The following TFEB variants were observed in gnomAD, a reference collection of about 807,000 sequenced individuals.
The protein encoded by TFEB is transcription factor EB, also known as T-cell transcription factor EB.
TFEB carries 12 observed loss-of-function variants against 48.0 expected under a neutral mutation model. That is an observed-to-expected ratio of 0.25 (90% CI 0.16 to 0.40). TFEB has a LOEUF of 0.40. Among genes scored for constraint, TFEB ranks in the 10% least tolerant of loss-of-function variants. TFEB has a pLI of 1.00. For synonymous variants in TFEB, 244 were observed against 261.4 expected (o/e 0.93, Z 0.64); for missense variants, 509 against 640.3 (o/e 0.79, Z 2.21).
rs1223251858 is a variant in TFEB, at chr6:41,735,337, C to T, written c.-23+13G>A. 5.1e-6 allele frequency: 5 copies of T among 985,078 alleles called. No homozygotes were observed. The East Asian group carries it at 5.7e-4, about 112-fold the overall frequency. The allele number at this position is 985,078 out of a possible 1,614,324, so 61.0% of individuals were successfully genotyped here. The stretch of plus-strand genomic sequence containing the variant: ...GGCCCTCCTCGTGCCTCTCGCTCCC[C>T]GGTCCCGCTCACCTCGCTCTGAAGG... On this transcript the variant is annotated intron_variant, in intron 1 of 8. Transcript: ENST00000373033.
intron 1 of TFEB, among the ~76,000 whole-genome samples, chr6:41,695,506 C>T (rs898778086): frequency 2.0e-5 from 3 of 152,086 alleles, no homozygotes; most frequent in African/African-American, 7.2e-5. Flanking sequence ...TAGTATTATC[C>T]CCATTTTTCC....
At chr6:41,732,581 C>G (rs905938353) in intron 1 of TFEB, 23 of 985,722 alleles carry the variant, frequency 2.3e-5, no homozygotes, top group Non-Finnish European at 3.6e-6. Context: ...ACACTTTAAC[C>G]ACACACACAA....
At chr6:41,712,633 CA>C (rs916009976) in intron 1 of TFEB, among the ~76,000 whole-genome samples, 5 of 152,332 alleles carry the variant, frequency 3.3e-5, no homozygotes, top group African/African-American at 1.2e-4. Context: ...ACCAGGGGCC[CA>C]AGGGCTCAAG....
chr6:41,689,482 G>A (rs1357286080), intron 4 of TFEB, among the ~76,000 whole-genome samples: 2 of 152,022 alleles, frequency 1.3e-5, no homozygotes, highest in Admixed American at 6.6e-5. Context: ...GGCCCACTCC[G>A]TGTCCCCAGC....
Position 41,723,391 on chromosome 6 carries a change from G to T in TFEB, c.-23+11959C>A. 1 of 990,670 alleles carries T rather than the reference G, an allele frequency of 1.0e-6. No individual in the cohort carries two copies. The highest frequency in any genetic ancestry group is 1.4e-6 in the Non-Finnish European group (1 of 717,740). 61.4% of individuals were successfully genotyped at this position (990,670 alleles called of 1,614,324 possible). ...CAGATGCACACAGGCTAACACACAT[G>T]GACACACATTCACACACATGCTCAC... On this transcript the variant is annotated intron_variant, in intron 1 of 8. Transcript: ENST00000373033. The surrounding 1 kb of genome is among the most constrained non-coding windows in gnomAD (Gnocchi z 6.0).
At chr6:41,694,860 C>G (rs187373074) in intron 1 of TFEB, among the ~76,000 whole-genome samples, 1 of 152,220 alleles carries the variant, frequency 6.6e-6, no homozygotes, top group African/African-American at 2.4e-5. Flanking sequence ...GCCTTCTCCC[C>G]TGCCCCTCCC....
intron 1 of TFEB, among the ~76,000 whole-genome samples, chr6:41,708,272 T>C (rs1240101387): frequency 1.3e-5 from 2 of 152,206 alleles, no homozygotes; most frequent in Non-Finnish European, 2.9e-5. Context: ...GGAAGCCTCT[T>C]GGACATAGAA....
chr6:41,697,157 C>A (rs899645159), intron 1 of TFEB, among the ~76,000 whole-genome samples: 2 of 151,322 alleles, frequency 1.3e-5, no homozygotes, highest in Non-Finnish European at 2.9e-5. Context: ...CCTGTAATCC[C>A]AGCACTTTGG....
intron 1 of TFEB, among the ~76,000 whole-genome samples, chr6:41,721,867 A>G (rs1463850404): frequency 3.3e-5 from 5 of 152,166 alleles, no homozygotes; most frequent in Non-Finnish European, 2.9e-5. Context: ...CTGCACCCTC[A>G]TGCCCACAGA....
chr6:41,705,886 C>T (rs1210156825), intron 1 of TFEB: 2 of 152,272 alleles, frequency 1.3e-5, no homozygotes, highest in African/African-American at 2.4e-5. Flanking sequence ...CCCTCCCAAC[C>T]CTCAGATTCA....
chr6:41,702,609 G>A (rs1179627714), intron 1 of TFEB, among the ~76,000 whole-genome samples: 2 of 151,638 alleles, frequency 1.3e-5, no homozygotes, highest in Admixed American at 1.3e-4. Context: ...TTTCATGGAT[G>A]CTACGTCAGC....
chr6:41,716,652 A>G (rs9349200), intron 1 of TFEB, among the ~76,000 whole-genome samples: 17,015 of 149,802 alleles, frequency 0.11, 1,108 homozygotes, highest in East Asian at 0.23. Flanking sequence ...AGAAATGTCC[A>G]AAGGAGTAGC....
intron 6 of TFEB, 21 bp from the exon 7 acceptor site, chr6:41,687,190 A>G (rs976013513): frequency 5.6e-6 from 9 of 1,613,652 alleles, no homozygotes; most frequent in Non-Finnish European, 7.6e-6. Flanking sequence ...CAGATTCCAG[A>G]AGGAGCAATT....
chr6:41,729,389 T>G (rs1276178384), intron 1 of TFEB, among the ~76,000 whole-genome samples: 2 of 152,250 alleles, frequency 1.3e-5, no homozygotes, highest in Non-Finnish European at 2.9e-5. Flanking sequence ...TGTATCATTT[T>G]TATTGTTAAC....
At chr6:41,693,492 T>G (rs1237790324) in intron 1 of TFEB, among the ~76,000 whole-genome samples, 1 of 152,082 alleles carries the variant, frequency 6.6e-6, no homozygotes. Flanking sequence ...GAGCCCATGC[T>G]GGGGAGGAGA....
At chr6:41,714,176 T>C (rs930804846) in intron 1 of TFEB, among the ~76,000 whole-genome samples, 5 of 98,556 alleles carry the variant, frequency 5.1e-5, no homozygotes, top group Middle Eastern at 5.5e-3. Context: ...CATGTGTGCG[T>C]GTGTGTGCAT....
intron 1 of TFEB, among the ~76,000 whole-genome samples, chr6:41,731,959 C>A (rs1467409013): frequency 6.6e-6 from 1 of 152,230 alleles, no homozygotes; most frequent in East Asian, 1.9e-4. Context: ...CCCATGCTGG[C>A]AGCTCAGAAG....
chr6:41,730,292 C>A lies in TFEB; in HGVS notation c.-23+5058G>T, dbSNP rs1771399042. 6.6e-6 allele frequency among the ~76,000 whole-genome samples: 1 copy of A among 152,056 alleles called. No individual in the cohort carries two copies. Among genetic ancestry groups the A allele is most frequent in the Non-Finnish European group, 1.5e-5 (1 of 67,994 alleles). On this transcript the variant is annotated intron_variant, in intron 1 of 8. Transcript: ENST00000373033. The surrounding 1 kb of genome is among the most constrained non-coding windows in gnomAD (Gnocchi z 4.1). ...GTGCCCTGATGGAGGGAAAGATTTG[C>A]TTATAGGGAAGGAGTGAGGAAGGGC... is the stretch of plus-strand genomic sequence containing the variant.
intron 1 of TFEB, among the ~76,000 whole-genome samples, chr6:41,708,710 G>A (rs1011012289): frequency 2.6e-5 from 4 of 152,220 alleles, no homozygotes; most frequent in Non-Finnish European, 4.4e-5. Flanking sequence ...GCCCTGAGGA[G>A]GCAGTTATGA....
Sources: gnomAD v4.1 joint callset for allele counts (sites outside exome capture counted in the v4.1 genomes callset) on GRCh38, gnomAD v4.1.1 for gene constraint, Gnocchi (gnomAD v3.1) non-coding constraint, MANE v1.5 for transcripts, NCBI Gene and HGNC (gene_info 2026-07-23, HGNC 2026-07-21) for gene names.